Variants in RNF19A observed in about 807,000 individuals in gnomAD.
RNF19A encodes ring finger protein 19A, RBR E3 ubiquitin protein ligase, also known as E3 ubiquitin-protein ligase RNF19A.
In RNF19A, 32 loss-of-function variants were observed where a neutral mutation model predicts 75.7. The ratio of observed to expected loss-of-function variants is 0.42; its 90% CI spans 0.32 to 0.57. The LOEUF is 0.57. Ranked by LOEUF, RNF19A falls within the 20% of genes least tolerant of loss-of-function variation. The pLI is 0.10. For synonymous variants in RNF19A, 335 were observed against 345.2 expected, an observed-to-expected ratio of 0.97 and a Z score of 0.33; for missense variants, 782 against 1,036.3, an observed-to-expected ratio of 0.75 and a Z score of 3.37.
chr8:100,311,330 G>C (rs1022010341), upstream of RNF19A, among the ~76,000 whole-genome samples: 1 of 152,140 alleles, frequency 6.6e-6, no homozygotes, highest in Admixed American at 6.5e-5. Flanking sequence ...CTACTTGAAG[G>C]CTGCCAGCGA....
At position 100,260,126 on chromosome 8, in the gene RNF19A, C is replaced by CT; in HGVS notation, c.1683-130_1683-129insA. 3.8e-6 allele frequency: 3 copies of CT among 790,726 alleles called. No individual in the cohort carries two copies. Among genetic ancestry groups the CT allele is most frequent in the Non-Finnish European group, 4.0e-6 (2 of 499,178 alleles). 49.0% of individuals were successfully genotyped at this position (790,726 alleles called of 1,614,324 possible). A position where few individuals can be genotyped will look rare whatever the true frequency, so the allele number is the denominator to read the frequency against. On this transcript the variant is annotated intron_variant, in intron 8 of 9. Transcript: ENST00000341084. The surrounding 1 kb of genome is among the most constrained non-coding windows in gnomAD (Gnocchi z 4.1). ...TTTTAGGAACCATTATTTTTTATTT[C>CT]CTTTTATTTAATTTAAATTCTACTG...
At chr8:100,314,034 A>G (rs1037588327), upstream of RNF19A, among the ~76,000 whole-genome samples, 1 of 151,204 alleles carries the variant, frequency 6.6e-6, no homozygotes, top group Admixed American at 6.6e-5. This position sits in a 1 kb window ranked among gnomAD's most constrained non-coding sequence, Gnocchi z 4.1. Flanking sequence ...GGCACATGCC[A>G]CCATGCCTGG....
chr8:100,315,054 A>G (rs944606602), intron 1 of RNF19A, among the ~76,000 whole-genome samples: 2 of 152,178 alleles, frequency 1.3e-5, no homozygotes, highest in African/African-American at 4.8e-5. Flanking sequence ...ACATGCCTGT[A>G]ATCCCAGCAC....
rs533765346 is a variant in RNF19A at position 100,264,965 on chromosome 8, C to T, written c.1192-180G>A. Among the ~76,000 whole-genome samples the T allele has an allele frequency of 1.3e-5, 2 of 152,276 alleles. No individual in the cohort carries two copies. Among genetic ancestry groups the T allele is most frequent in the East Asian group, 3.9e-4 (2 of 5,190 alleles). The stretch of plus-strand genomic sequence containing the variant: ...ATTATATATTCTCACAAATAATTTG[C>T]TCCTTATTAATTTGCTTAAGACAGT... On this transcript the variant is annotated intron_variant, in intron 5 of 9. Transcript: ENST00000341084. The surrounding 1 kb of genome is among the most constrained non-coding windows in gnomAD (Gnocchi z 4.7).
At position 100,261,891 on chromosome 8, in the gene RNF19A, G is replaced by C. The variant is rs1013669742; in HGVS notation, c.1469-136C>G. On this transcript the variant is annotated intron_variant, in intron 7 of 9. Transcript: ENST00000341084. This position sits in a 1 kb window ranked among gnomAD's most constrained non-coding sequence, Gnocchi z 4.4. ...AGACATGGAAAAATATTTTTTTCAG[G>C]CTAGTCCACTAGAAGCAGTGGGAAT... is the stretch of plus-strand genomic sequence containing the variant. The C allele has an allele frequency of 3.5e-5, 31 of 873,408 alleles. No individual in the cohort carries two copies. Among genetic ancestry groups the C allele is most frequent in the Non-Finnish European group, 5.1e-5 (29 of 563,570 alleles). The allele number at this position is 873,408 out of a possible 1,614,324, so 54.1% of individuals were successfully genotyped here. A position where few individuals can be genotyped will look rare whatever the true frequency, so the allele number is the denominator to read the frequency against.
intron 1 of RNF19A, among the ~76,000 whole-genome samples, chr8:100,308,689 TA>T (rs60819091): frequency 0.33 from 48,700 of 148,824 alleles, 8,448 homozygotes; most frequent in East Asian, 0.42. Context: ...CCATGTTCTT[TA>T]AAAAAAAAAA....
At position 100,294,182 on chromosome 8, in the gene RNF19A, T is replaced by TA. The variant is rs1490684819; in HGVS notation, c.-93-5916dup. On this transcript the variant is annotated intron_variant, in intron 1 of 9. Coordinates refer to ENST00000341084, the MANE Select transcript of RNF19A (RefSeq NM_183419.4). ...TATAAACTGGATATTGTGGATATCT[T>TA]ATAGAGGCTCTGTAGTCTCTTGTCT... 5.9e-5 allele frequency among the ~76,000 whole-genome samples: 9 copies of TA among 152,362 alleles called. No homozygotes were observed. In the South Asian group the frequency reaches 1.9e-3, roughly 32 times the overall value.
At chr8:100,328,863 G>T (rs576484793) in intron 1 of RNF19A, among the ~76,000 whole-genome samples, 1 of 152,260 alleles carries the variant, frequency 6.6e-6, no homozygotes, top group East Asian at 1.9e-4. Context: ...TTGTGCAAAG[G>T]GTCTTCTATA....
chr8:100,308,345 AT>A (rs1438908087), intron 1 of RNF19A, among the ~76,000 whole-genome samples: 1 of 152,214 alleles, frequency 6.6e-6, no homozygotes, highest in African/African-American at 2.4e-5. Flanking sequence ...TTTTAGCATA[AT>A]TTGGTTTATT....
At chr8:100,272,553 A>G (rs542555872) in intron 3 of RNF19A, among the ~76,000 whole-genome samples, 1 of 147,860 alleles carries the variant, frequency 6.8e-6, no homozygotes, top group African/African-American at 2.5e-5. Flanking sequence ...TTTTTTTTTT[A>G]AATTAATAGG....
At chr8:100,312,042 A>G (rs1011892998), upstream of RNF19A, among the ~76,000 whole-genome samples, 1 of 152,166 alleles carries the variant, frequency 6.6e-6, no homozygotes, top group African/African-American at 2.4e-5. Context: ...TTCTTTCCTC[A>G]AAGCATGCTT....
intron 5 of RNF19A, among the ~76,000 whole-genome samples, chr8:100,266,861 AAT>A (rs1820005867): frequency 6.6e-6 from 1 of 152,182 alleles, no homozygotes; most frequent in Non-Finnish European, 1.5e-5. Flanking sequence ...TTCAGAAATA[AAT>A]ATGTGACTTA....
In RNF19A at chr8:100,264,643, T is replaced by C; in HGVS notation, c.1306+28A>G. On this transcript the variant is annotated intron_variant, in intron 6 of 9. Coordinates refer to ENST00000341084, the MANE Select transcript of RNF19A (RefSeq NM_183419.4). The surrounding 1 kb of genome is among the most constrained non-coding windows in gnomAD (Gnocchi z 4.7). Reference sequence around the variant, plus strand: ...AACTTTAACTCCATAAAATTGTAGGTAATTAGTACTTTTCAGCATTTTCTT... The same window carrying C: ...AACTTTAACTCCATAAAATTGTAGGCAATTAGTACTTTTCAGCATTTTCTT... 2 of 1,386,922 alleles carry C rather than the reference T, an allele frequency of 1.4e-6. No homozygotes were observed. Among genetic ancestry groups the C allele is most frequent in the Middle Eastern group, 1.8e-4 (1 of 5,546 alleles). 85.9% of individuals were successfully genotyped at this position (1,386,922 alleles called of 1,614,324 possible).
At chr8:100,265,635 T>C (rs1363105489) in intron 5 of RNF19A, among the ~76,000 whole-genome samples, 2 of 152,136 alleles carry the variant, frequency 1.3e-5, no homozygotes, top group Non-Finnish European at 2.9e-5. Flanking sequence ...AAATGACTTA[T>C]AAACAATACT....
chr8:100,276,997 C>A (rs982409625), intron 2 of RNF19A, among the ~76,000 whole-genome samples: 2 of 151,918 alleles, frequency 1.3e-5, no homozygotes, highest in Admixed American at 6.6e-5. Context: ...AAGGTACATA[C>A]GATCTCTGAA....
At chr8:100,334,239 C>T (rs1822646617) in intron 1 of RNF19A, among the ~76,000 whole-genome samples, 1 of 152,194 alleles carries the variant, frequency 6.6e-6, no homozygotes, top group South Asian at 2.1e-4. Context: ...GTTCTGCCAC[C>T]ATTTCTTGTG....
Position 100,325,127 on chromosome 8 carries a change from C to T in RNF19A, c.-243+10981G>A, listed in dbSNP as rs1462184954. Among the ~76,000 whole-genome samples, 3 of 152,166 alleles carry T rather than the reference C, an allele frequency of 2.0e-5. No individual in the cohort carries two copies. Among genetic ancestry groups the T allele is most frequent in the East Asian group, 1.9e-4 (1 of 5,192 alleles). On this transcript the variant is annotated intron_variant, in intron 1 of 3. Transcript: ENST00000519527. This position sits in a 1 kb window ranked among gnomAD's most constrained non-coding sequence, Gnocchi z 4.3. ...TTCACCATGTTGGTCAGGCTGGTCTCGAACTCCTGACCTCAGGTGATCCAC... is the reference window on the plus strand; with the variant it reads ...TTCACCATGTTGGTCAGGCTGGTCTTGAACTCCTGACCTCAGGTGATCCAC...
At chr8:100,313,768 T>C (rs762364777), upstream of RNF19A, among the ~76,000 whole-genome samples, 6 of 152,182 alleles carry the variant, frequency 3.9e-5, no homozygotes, top group Non-Finnish European at 7.4e-5. Context: ...AAAGATGTCA[T>C]AGTTCTTTGA....
chr8:100,274,883 A>C, intron 3 of RNF19A, 70 bp downstream of exon 3: 1 of 1,264,880 alleles, frequency 7.9e-7, no homozygotes, highest in Non-Finnish European at 1.1e-6. Context: ...AGGAATACTT[A>C]ACTTTAAAAA....
Sources: gnomAD v4.1 joint callset for allele counts (sites outside exome capture counted in the v4.1 genomes callset) on GRCh38, gnomAD v4.1.1 for gene constraint, Gnocchi (gnomAD v3.1) non-coding constraint, MANE v1.5 for transcripts, NCBI Gene and HGNC (gene_info 2026-07-23, HGNC 2026-07-21) for gene names.